Variants in IL21R observed in about 807,000 individuals in gnomAD.
The protein encoded by IL21R is interleukin-21 receptor.
A neutral mutation model predicts 41.3 loss-of-function variants in IL21R; 14 were observed. The observed-to-expected ratio is 0.34, with a 90% CI of 0.22 to 0.53. IL21R has a LOEUF of 0.53. IL21R is among the 20% of genes least tolerant of loss of function. The pLI is 0.94. For missense variants in IL21R, 588 were observed against 681.6 expected (o/e 0.86, Z 1.53); for synonymous variants, 286 against 287.6 (o/e 0.99, Z 0.05).
chr16:27,419,995 C>T (rs1245114320), intron 1 of IL21R, among the ~76,000 whole-genome samples: 1 of 150,570 alleles, frequency 6.6e-6, no homozygotes, highest in Non-Finnish European at 1.5e-5. Context: ...TCAAGTGATT[C>T]TCCTGCCTCG....
intron 1 of IL21R, among the ~76,000 whole-genome samples, chr16:27,412,083 G>A (rs1018756878): frequency 1.3e-5 from 2 of 152,088 alleles, no homozygotes; most frequent in South Asian, 2.1e-4. Context: ...TTATGTTTGG[G>A]TCTTTAACCC....
At chr16:27,437,415 C>T in intron 3 of IL21R, 73 bp from the exon 4 acceptor site, 1 of 1,250,368 alleles carries the variant, frequency 8.0e-7, no homozygotes, top group Non-Finnish European at 1.2e-6. Flanking sequence ...CTGCCCTGGC[C>T]CTGAGCACTG....
At chr16:27,417,874 G>A (rs60279513) in intron 1 of IL21R, among the ~76,000 whole-genome samples, 1 of 152,118 alleles carries the variant, frequency 6.6e-6, no homozygotes, top group Non-Finnish European at 1.5e-5. Context: ...TAAGTGCTGA[G>A]GGAATGTGAA....
intron 2 of IL21R, 89 bp downstream of exon 2, chr16:27,430,209 AC>A: frequency 5.5e-6 from 6 of 1,090,854 alleles, no homozygotes; most frequent in African/African-American, 1.5e-5. Flanking sequence ...GCTCAAAAAC[AC>A]GGCTAGAGTC....
intron 1 of IL21R, among the ~76,000 whole-genome samples, chr16:27,406,593 T>C (rs1254390825): frequency 6.6e-6 from 1 of 151,984 alleles, no homozygotes; most frequent in East Asian, 1.9e-4. Context: ...GAGAAGGCCC[T>C]TCCTCTCACC....
At chr16:27,403,045 C>T (rs2086683927) in intron 1 of IL21R, 4 of 463,722 alleles carry the variant, frequency 8.6e-6, no homozygotes, top group South Asian at 6.9e-5. Context: ...TCCACCCAGT[C>T]ATTCAAAACA....
At position 27,443,239 on chromosome 16, in the gene IL21R, G is replaced by C. The variant is rs1365594565; in HGVS notation, c.507+123G>C. On this transcript the variant is annotated intron_variant, in intron 5 of 8. Coordinates refer to ENST00000337929, the MANE Select transcript of IL21R (RefSeq NM_181078.3). ...TCATGGCCAAGAACAGAGACCAAGG[G>C]CACGAGCACTCCCTTACAGCGGGCC... 3.6e-6 allele frequency: 3 copies of C among 839,974 alleles called. No homozygotes were observed. In the African/African-American group the frequency reaches 5.2e-5, roughly 15 times the overall value. 52.0% of individuals were successfully genotyped at this position (839,974 alleles called of 1,614,324 possible).
chr16:27,430,811 T>G (rs1596582687), intron 2 of IL21R, among the ~76,000 whole-genome samples: 1 of 152,200 alleles, frequency 6.6e-6, no homozygotes, highest in East Asian at 1.9e-4. Context: ...AGACCCTGTC[T>G]CAAAACAACA....
At position 27,442,958 on chromosome 16, in the gene IL21R, C is replaced by T. The variant is rs759939627; in HGVS notation, c.353-4C>T. The T allele has an allele frequency of 6.4e-7, 1 of 1,567,160 alleles. No homozygotes were observed. On this transcript the variant is annotated splice_polypyrimidine_tract_variant and splice_region_variant and intron_variant, in intron 4 of 8. Transcript: ENST00000337929. ...ATTTTCTTTTCCTGGGTTTTTCCAC[C>T]AAGTCAAGCCGGCTCCCCCTTTCAA...
chr16:27,446,136 T>C (rs773158259), intron 8 of IL21R, 48 bp downstream of exon 8: 4 of 1,510,646 alleles, frequency 2.6e-6, no homozygotes, highest in Admixed American at 1.7e-5. Context: ...CTCCTCCTCT[T>C]CAGGAGCCCC....
intron 4 of IL21R, among the ~76,000 whole-genome samples, chr16:27,440,353 A>T (rs2087368051): frequency 6.6e-6 from 1 of 151,020 alleles, no homozygotes; most frequent in African/African-American, 2.4e-5. Context: ...AGCTCATTGC[A>T]GCCTGGAACT....
At chr16:27,416,448 A>G (rs2086894568) in intron 1 of IL21R, among the ~76,000 whole-genome samples, 1 of 152,104 alleles carries the variant, frequency 6.6e-6, no homozygotes, top group African/African-American at 2.4e-5. Flanking sequence ...TAATTCATAT[A>G]TTTAGAGTAC....
At chr16:27,433,459 TC>T (rs1169874471) in intron 2 of IL21R, among the ~76,000 whole-genome samples, 3 of 152,000 alleles carry the variant, frequency 2.0e-5, no homozygotes, top group African/African-American at 7.3e-5. Context: ...GAGCAAGAGA[TC>T]CTATCTCAAA....
chr16:27,445,978 AG>A (rs2087468811), intron 7 of IL21R, 28 bp from the exon 8 acceptor site: 1 of 1,572,366 alleles, frequency 6.4e-7, no homozygotes, highest in Non-Finnish European at 8.7e-7. Flanking sequence ...TGGTGATGTC[AG>A]GGTCCTCACC....
In IL21R at chr16:27,444,422, T is replaced by C. The variant is rs998678652; in HGVS notation, c.508-120T>C. On this transcript the variant is annotated intron_variant, in intron 5 of 8. Transcript: ENST00000337929. ...TACTCAGGCATAGGCTTGATTCTTG[T>C]GGGAAGAGAAGAGACACTCAGCCCC... 6 of 618,500 alleles carry C rather than the reference T, an allele frequency of 9.7e-6. No homozygotes were observed. The Admixed American group carries it at 2.1e-4, about 22-fold the overall frequency. 38.3% of individuals were successfully genotyped at this position (618,500 alleles called of 1,614,324 possible).
At chr16:27,412,792 A>C (rs1168484391) in intron 1 of IL21R, among the ~76,000 whole-genome samples, 1 of 152,156 alleles carries the variant, frequency 6.6e-6, no homozygotes, top group Non-Finnish European at 1.5e-5. Context: ...TTGTTAATGT[A>C]AAAAATGCAA....
Position 27,420,219 on chromosome 16 carries a change from C to A in IL21R, c.-16-9837C>A, listed in dbSNP as rs925856740. On this transcript the variant is annotated intron_variant, in intron 1 of 8. Coordinates refer to ENST00000337929, the MANE Select transcript of IL21R (RefSeq NM_181078.3). ...ATATGCTATACTTTTATATGACTGG[C>A]AGTGCAGTAAATTTGTTTCCACCAG... Among the ~76,000 whole-genome samples, 17 of 152,252 alleles carry A rather than the reference C, an allele frequency of 1.1e-4. No individual in the cohort carries two copies. In the East Asian group the frequency reaches 3.3e-3, roughly 29 times the overall value.
intron 8 of IL21R, among the ~76,000 whole-genome samples, chr16:27,446,514 G>A (rs939754302): frequency 4.4e-4 from 67 of 151,788 alleles, no homozygotes; most frequent in Admixed American, 1.1e-3. Context: ...GAGGCAGGAC[G>A]ATCGTTCAGA....
At position 27,440,244 on chromosome 16, in the gene IL21R, T is replaced by TAGAG. The variant is rs1443830356; in HGVS notation, c.352+2558_352+2559insGAGA. Among the ~76,000 whole-genome samples, 819 of 82,484 alleles carry TAGAG rather than the reference T, an allele frequency of 9.9e-3. 4 individuals carry two copies. Among genetic ancestry groups the TAGAG allele is most frequent in the East Asian group, 0.012 (48 of 3,894 alleles). The allele number at this position is 82,484 out of a possible 152,430, so 54.1% of individuals were successfully genotyped here. On this transcript the variant is annotated intron_variant, in intron 4 of 8. Transcript: ENST00000337929. ...ACAAATATATATATATATATATATA[T>TAGAG]ATATAGAGAGAGAGAGAGAGAGAGA...
Sources: allele counts gnomAD v4.1 joint callset (sites outside exome capture counted in the v4.1 genomes callset), GRCh38; gene constraint gnomAD v4.1.1; transcripts MANE v1.5; gene names NCBI Gene and HGNC (gene_info 2026-07-23, HGNC 2026-07-21).